DIP2C: variants seen among roughly 807,000 people sequenced by gnomAD.
DIP2C encodes the protein DIP2 acetate--CoA ligase C (putative), also known as disco-interacting protein 2 homolog C.
In DIP2C, 33 loss-of-function variants were observed where a neutral mutation model predicts 192.4. The ratio of observed to expected loss-of-function variants is 0.17; its 90% CI spans 0.13 to 0.23. The LOEUF (loss-of-function observed/expected upper bound fraction) is 0.23, where lower values mean the gene tolerates loss of function less well. Ranked by LOEUF, DIP2C falls within the 10% of genes least tolerant of loss-of-function variation. DIP2C has a pLI of 1.00. For synonymous variants in DIP2C, 979 were observed against 864.1 expected (o/e 1.13, Z -2.33); for missense variants, 1,537 against 2,110.1 (o/e 0.73, Z 5.32).
At chr10:573,611 G>C (rs1463382397) in intron 1 of DIP2C, among the ~76,000 whole-genome samples, 1 of 152,072 alleles carries the variant, frequency 6.6e-6, no homozygotes, top group Non-Finnish European at 1.5e-5. Flanking sequence ...GGTTTCACCA[G>C]GTTGCCCAGG....
intron 1 of DIP2C, among the ~76,000 whole-genome samples, chr10:549,602 G>A (rs1222425908): frequency 1.3e-5 from 2 of 152,138 alleles, no homozygotes; most frequent in African/African-American, 4.8e-5. Context: ...AGGAGGGTCT[G>A]GTGGCTTCAG....
chr10:317,425 C>A (rs1248290380), intron 31 of DIP2C, among the ~76,000 whole-genome samples: 1 of 152,226 alleles, frequency 6.6e-6, no homozygotes, highest in Non-Finnish European at 1.5e-5. Flanking sequence ...AGCCTGGACG[C>A]CATGCTCTGA....
At chr10:369,925 A>C in intron 17 of DIP2C, 1 of 1,304,454 alleles carries the variant, frequency 7.7e-7, no homozygotes, top group Non-Finnish European at 9.8e-7. Context: ...TGCACAGACC[A>C]GCTCTCTCTC....
At chr10:572,048 T>C (rs1588487055) in intron 1 of DIP2C, among the ~76,000 whole-genome samples, 2 of 152,250 alleles carry the variant, frequency 1.3e-5, no homozygotes, top group African/African-American at 4.8e-5. Context: ...CCCGAGGCTC[T>C]AGGGGTGTTT....
chr10:297,204 A>T (rs1405161016), intron 32 of DIP2C, among the ~76,000 whole-genome samples: 2 of 149,070 alleles, frequency 1.3e-5, no homozygotes, highest in Non-Finnish European at 3.0e-5. Context: ...AAACAAAACA[A>T]AACAAAACAA....
intron 1 of DIP2C, among the ~76,000 whole-genome samples, chr10:555,452 C>G (rs1471650474): frequency 6.6e-6 from 1 of 152,220 alleles, no homozygotes; most frequent in African/African-American, 2.4e-5. Context: ...GTCGCCGAAT[C>G]TCCCTGGGTG....
rs185198115 is a variant in DIP2C at position 578,884 on chromosome 10, T to C, written c.86-92354A>G. 1.6e-4 allele frequency among the ~76,000 whole-genome samples: 25 copies of C among 152,086 alleles called. No individual in the cohort carries two copies. The East Asian group carries it at 4.7e-3, about 28-fold the overall frequency. Reference sequence around the variant, plus strand: ...GTACACTAACACACATGTACGTGCATAGAGCATACACACATCCAGATCCAC... The same window carrying C: ...GTACACTAACACACATGTACGTGCACAGAGCATACACACATCCAGATCCAC... On this transcript the variant is annotated intron_variant, in intron 1 of 36. Transcript: ENST00000280886.
At chr10:383,193 A>G (rs1165901614) in intron 16 of DIP2C, among the ~76,000 whole-genome samples, 1 of 152,008 alleles carries the variant, frequency 6.6e-6, no homozygotes, top group Non-Finnish European at 1.5e-5. Context: ...TGCAAGATGT[A>G]TTGTTTTGTA....
At chr10:297,736 C>T (rs1307992228) in intron 32 of DIP2C, among the ~76,000 whole-genome samples, 1 of 152,080 alleles carries the variant, frequency 6.6e-6, no homozygotes, top group Non-Finnish European at 1.5e-5. Flanking sequence ...AGAATACGTT[C>T]CAGTGTTCTG....
At chr10:288,339 G>A in intron 33 of DIP2C, 25 bp downstream of exon 33, 3 of 1,607,496 alleles carry the variant, frequency 1.9e-6, no homozygotes, top group Non-Finnish European at 2.6e-6. Context: ...ATACAGAAAT[G>A]CGTGCCTCTT....
At chr10:536,364 T>A (rs937852303) in intron 1 of DIP2C, among the ~76,000 whole-genome samples, 2 of 151,060 alleles carry the variant, frequency 1.3e-5, no homozygotes, top group Non-Finnish European at 2.9e-5. Flanking sequence ...CTGTTCCCCA[T>A]AGGGACATCA....
At chr10:350,147 G>A (rs1332520278) in intron 24 of DIP2C, among the ~76,000 whole-genome samples, 7 of 152,124 alleles carry the variant, frequency 4.6e-5, no homozygotes, top group Admixed American at 4.6e-4. Flanking sequence ...GCAGTGGCAT[G>A]ATCACTGCTC....
At chr10:592,233 G>A (rs1184099745) in intron 1 of DIP2C, among the ~76,000 whole-genome samples, 1 of 152,216 alleles carries the variant, frequency 6.6e-6, no homozygotes, top group Non-Finnish European at 1.5e-5. Flanking sequence ...AGGTTCTGCT[G>A]TGTTTCAACT....
At chr10:550,871 TCAGCA>T in intron 1 of DIP2C, among the ~76,000 whole-genome samples, 1 of 152,184 alleles carries the variant, frequency 6.6e-6, no homozygotes. Flanking sequence ...ACTGAGAAGG[TCAGCA>T]CAGCCAGTCA....
Position 328,783 on chromosome 10 carries a change from A to C in DIP2C, c.3753+650T>G, listed in dbSNP as rs1336545471. Among the ~76,000 whole-genome samples, 3 of 152,232 alleles carry C rather than the reference A, an allele frequency of 2.0e-5. No homozygotes were observed. The East Asian group carries it at 5.8e-4, about 29-fold the overall frequency. On this transcript the variant is annotated intron_variant, in intron 30 of 36. Transcript: ENST00000280886. The stretch of plus-strand genomic sequence containing the variant: ...CATGTATATACAAAGACATACACAC[A>C]TCCAAAGAGTACAAAGTCAGTTGAA...
chr10:499,135 C>T (rs1443211084), intron 1 of DIP2C, among the ~76,000 whole-genome samples: 1 of 152,196 alleles, frequency 6.6e-6, no homozygotes, highest in Non-Finnish European at 1.5e-5. Flanking sequence ...CTGAACCCCA[C>T]GATGGTCACA....
At chr10:674,789 T>TAGAGAGAGAGAG (rs1554772102) in intron 1 of DIP2C, among the ~76,000 whole-genome samples, 29 of 62,478 alleles carry the variant, frequency 4.6e-4, no homozygotes, top group Admixed American at 8.0e-4. Flanking sequence ...TATATATATA[T>TAGAGAGAGAGAG]AGAGAGAGAG....
intron 2 of DIP2C, among the ~76,000 whole-genome samples, chr10:477,602 AAGGTGGATGGGTGGGAGG>A (rs1843155840): frequency 1.0e-4 from 2 of 19,956 alleles, no homozygotes; most frequent in African/African-American, 1.6e-4. Flanking sequence ...GGGAGGGAGG[AAGGTGGATGGGTGGGAGG>A]AAGGTGGATG....
In DIP2C at chr10:413,761, C is replaced by T. The variant is rs867139803; in HGVS notation, c.1057+152G>A. ...AAACAGACACTGAGCTTCGTGCGTT[C>T]GGGAGTGGCTGCGCGAGGGCGTGGG... On this transcript the variant is annotated intron_variant, in intron 8 of 36. Transcript: ENST00000280886. The T allele has an allele frequency of 2.0e-4, 185 of 908,384 alleles. 1 individual carries two copies. In the African/African-American group the frequency reaches 2.5e-3, roughly 12 times the overall value. 56.3% of individuals were successfully genotyped at this position (908,384 alleles called of 1,614,324 possible).
Sources: allele counts gnomAD v4.1 joint callset (sites outside exome capture counted in the v4.1 genomes callset), GRCh38; gene constraint gnomAD v4.1.1; transcripts MANE v1.5; gene names NCBI Gene and HGNC (gene_info 2026-07-23, HGNC 2026-07-21).